ACSM3: variants seen among roughly 807,000 people sequenced by gnomAD.
ACSM3 encodes acyl-coenzyme A synthetase ACSM3, mitochondrial.
Under a neutral mutation model 74.1 loss-of-function variants are expected in ACSM3, and 61 were observed. The observed-to-expected ratio is 0.82, with a 90% CI of 0.67 to 1.02. The LOEUF (loss-of-function observed/expected upper bound fraction) is 1.02. Ranked by LOEUF, ACSM3 falls within the 50% of genes least tolerant of loss-of-function variation. The pLI is 0.00. For missense variants in ACSM3, 660 were observed against 697.0 expected, an observed-to-expected ratio of 0.95 and a Z score of 0.60; for synonymous variants, 213 against 241.5, an observed-to-expected ratio of 0.88 and a Z score of 1.09.
intron 1 of ACSM3, among the ~76,000 whole-genome samples, chr16:20,722,544 C>A (rs559488912): frequency 5.3e-5 from 8 of 152,122 alleles, no homozygotes; most frequent in African/African-American, 1.7e-4. Flanking sequence ...TAAGAAAAAA[C>A]CTAAAAAGTG....
intron 1 of ACSM3, among the ~76,000 whole-genome samples, chr16:20,715,009 GTAGA>G (rs1310673504): frequency 7.0e-6 from 1 of 142,398 alleles, no homozygotes; most frequent in African/African-American, 2.6e-5. Flanking sequence ...AGATAGATAG[GTAGA>G]TAGATGGATG....
At position 20,717,895 on chromosome 16, in the gene ACSM3, GAGA is replaced by G. The variant is rs541800774; in HGVS notation, c.-189-32012_-189-32010del. Among the ~76,000 whole-genome samples, 239 of 144,618 alleles carry G rather than the reference GAGA, an allele frequency of 1.7e-3. 2 individuals carry two copies. The highest frequency in any genetic ancestry group is 2.7e-3 in the Non-Finnish European group (176 of 65,996). 94.9% of individuals were successfully genotyped at this position (144,618 alleles called of 152,430 possible). ...GAAGGAGAAGGAGAAGGGGAAGAAG[GAGA>G]AGGAGGAAAAAAAGAAGAAGAAGGA... On this transcript the variant is annotated intron_variant, in intron 1 of 3. Coordinates refer to the ACSM3 transcript ENST00000561584.
rs1431247880 is a variant in ACSM3 at position 20,781,747 on chromosome 16, C to T, written c.979C>T (p.Pro327Ser). Residue 327 changes from proline to serine, a missense_variant, in exon 7 of 14, where the codon CCA becomes TCA. By Grantham distance (74) the Pro-to-Ser change is moderately conservative. Coordinates refer to ENST00000289416, the MANE Select transcript of ACSM3 (RefSeq NM_005622.4). ...KYPITVFCSA[P>S]TVYRMLVQND... ...CCCCATCACAGTCTTCTGTTCAGCA[C>T]CAACTGTATACCGAATGCTTGTACA... 1 of 1,613,396 alleles carries T rather than the reference C, an allele frequency of 6.2e-7. No homozygotes were observed. Among genetic ancestry groups the T allele is most frequent in the Admixed American group, 1.7e-5 (1 of 60,010 alleles).
intron 1 of ACSM3, chr16:20,718,410 T>C: frequency 1.2e-6 from 1 of 858,554 alleles, no homozygotes; most frequent in Non-Finnish European, 1.6e-6. Flanking sequence ...TGGCCATTTA[T>C]TTCACCAGTG....
intron 1 of ACSM3, chr16:20,727,468 T>G: frequency 2.2e-6 from 1 of 454,300 alleles, no homozygotes; most frequent in Non-Finnish European, 4.3e-6. Context: ...ACGGAAGTGG[T>G]ATATTTAAAG....
At chr16:20,755,806 C>T (rs1201747139) in intron 3 of ACSM3, among the ~76,000 whole-genome samples, 1 of 131,780 alleles carries the variant, frequency 7.6e-6, no homozygotes, top group Non-Finnish European at 1.6e-5. Flanking sequence ...ACAGCAGTCC[C>T]CAGAGTGTGA....
chr16:20,785,187 A>C, intron 8 of ACSM3, 80 bp downstream of exon 8: 5 of 1,551,762 alleles, frequency 3.2e-6, no homozygotes, highest in Non-Finnish European at 3.5e-6. Context: ...CAGTCTCCTT[A>C]TGATTATTTG....
At chr16:20,757,186 C>G (rs1007293617) in intron 3 of ACSM3, among the ~76,000 whole-genome samples, 1 of 152,132 alleles carries the variant, frequency 6.6e-6, no homozygotes, top group Non-Finnish European at 1.5e-5. Context: ...TCACTGGTAG[C>G]TTGATGGGGA....
In ACSM3 at chr16:20,790,660, G is replaced by T. The variant is rs373178853; in HGVS notation, c.1298G>T (p.Arg433Leu). ...GDIGIQVLPNRPFGLFTHYVD... is the reference protein window; with the variant it reads ...GDIGIQVLPNLPFGLFTHYVD... ...ATTGGCATTCAAGTTCTACCCAACC[G>T]ACCATTTGGCCTTTTTACTCATTAC... Residue 433 changes from arginine to leucine, a missense_variant, in exon 10 of 14, where the codon CGA becomes CTA. Arg to Leu is a moderately radical substitution (Grantham distance 102). Coordinates refer to ENST00000289416, the MANE Select transcript of ACSM3 (RefSeq NM_005622.4). This position sits in a 1 kb window ranked among gnomAD's most constrained non-coding sequence, Gnocchi z 4.0. The T allele has an allele frequency of 6.2e-7, 1 of 1,613,934 alleles. No individual in the cohort carries two copies. Among genetic ancestry groups the T allele is most frequent in the Admixed American group, 1.7e-5 (1 of 59,986 alleles).
chr16:20,776,423 C>T (rs1026961550), intron 3 of ACSM3, among the ~76,000 whole-genome samples: 2 of 152,184 alleles, frequency 1.3e-5, no homozygotes, highest in Non-Finnish European at 2.9e-5. Flanking sequence ...GACATGTGTT[C>T]CCCAATCTTC....
chr16:20,794,977 TA>T (rs1322089775), intron 12 of ACSM3, among the ~76,000 whole-genome samples: 1 of 152,246 alleles, frequency 6.6e-6, no homozygotes, highest in African/African-American at 2.4e-5. Context: ...TTGCAGTTTT[TA>T]AAATAATTTA....
chr16:20,748,964 A>C (rs1276737774), intron 1 of ACSM3, among the ~76,000 whole-genome samples: 1 of 152,120 alleles, frequency 6.6e-6, no homozygotes, highest in South Asian at 2.1e-4. Context: ...AAGTAGAAGA[A>C]TCATTTGAAC....
intron 1 of ACSM3, among the ~76,000 whole-genome samples, chr16:20,715,036 G>A (rs1352203940): frequency 3.3e-5 from 5 of 152,154 alleles, no homozygotes; most frequent in African/African-American, 1.2e-4. Flanking sequence ...TAGATGAAAG[G>A]TAAGTAGGTA....
chr16:20,773,830 T>C (rs2080222274), intron 2 of ACSM3, among the ~76,000 whole-genome samples: 1 of 152,228 alleles, frequency 6.6e-6, no homozygotes, highest in Non-Finnish European at 1.5e-5. Flanking sequence ...AGAATGTGTA[T>C]TCTGTAGCTG....
At position 20,739,157 on chromosome 16, in the gene ACSM3, G is replaced by A. The variant is rs1471366778; in HGVS notation, c.-189-10753G>A. The A allele has an allele frequency of 4.4e-6, 6 of 1,377,332 alleles. No individual in the cohort carries two copies. The East Asian group carries it at 1.2e-4, about 28-fold the overall frequency. The allele number at this position is 1,377,332 out of a possible 1,614,324, so 85.3% of individuals were successfully genotyped here. On this transcript the variant is annotated intron_variant, in intron 1 of 3. Coordinates refer to the ACSM3 transcript ENST00000561584. ...TAATTATTTATGTGAAGTCCCTGGC[G>A]GCAGGTGGCTCAGTATTGATTTTTT...
chr16:20,737,546 C>T (rs778432417), intron 1 of ACSM3, among the ~76,000 whole-genome samples: 2 of 151,896 alleles, frequency 1.3e-5, no homozygotes, highest in African/African-American at 2.4e-5. Flanking sequence ...ATCTCATATC[C>T]GACATATTGA....
At chr16:20,745,285 C>G (rs1330074250) in intron 1 of ACSM3, among the ~76,000 whole-genome samples, 1 of 152,110 alleles carries the variant, frequency 6.6e-6, no homozygotes, top group East Asian at 1.9e-4. Flanking sequence ...GAAAACCTCT[C>G]TTAGAAGGGA....
rs1339293615 is a variant in ACSM3 at position 20,767,531 on chromosome 16, A to AC, written c.-51-2453_-51-2452insC. On this transcript the variant is annotated intron_variant, in intron 1 of 13. Transcript: ENST00000289416. ...GACTCCGTCTCAAAAAAAAAAAAAAAAAAAAAAAAAAAAACAGGGACCGGT... is the reference window on the plus strand; with the variant it reads ...GACTCCGTCTCAAAAAAAAAAAAAAACAAAAAAAAAAAAAACAGGGACCGGT... Among the ~76,000 whole-genome samples, 2 of 15,640 alleles carry AC rather than the reference A, an allele frequency of 1.3e-4. 1 individual carries two copies. Among genetic ancestry groups the AC allele is most frequent in the Non-Finnish European group, 4.0e-4 (2 of 5,002 alleles). 10.3% of individuals were successfully genotyped at this position (15,640 alleles called of 152,430 possible).
intron 2 of ACSM3, among the ~76,000 whole-genome samples, chr16:20,774,305 G>A (rs1433339223): frequency 7.0e-6 from 1 of 141,952 alleles, no homozygotes; most frequent in Non-Finnish European, 1.5e-5. Context: ...GCAGTGGCAC[G>A]ATCTCAGCTC....
Sources: gnomAD v4.1 joint callset for allele counts (sites outside exome capture counted in the v4.1 genomes callset) on GRCh38, gnomAD v4.1.1 for gene constraint, Gnocchi (gnomAD v3.1) non-coding constraint, MANE v1.5 for transcripts, NCBI Gene and HGNC (gene_info 2026-07-23, HGNC 2026-07-21) for gene names.